Variants in PLPP3 observed in about 807,000 individuals in gnomAD.
PLPP3 encodes the protein phospholipid phosphatase 3.
A neutral mutation model predicts 29.6 loss-of-function variants in PLPP3; 6 were observed. The observed-to-expected ratio is 0.20, with a 90% CI of 0.11 to 0.40. The LOEUF (loss-of-function observed/expected upper bound fraction) is 0.40, where lower values mean the gene tolerates loss of function less well. Ranked by LOEUF, PLPP3 falls within the 10% of genes least tolerant of loss-of-function variation. The pLI is 1.00. For missense variants in PLPP3, 308 were observed against 407.7 expected, an observed-to-expected ratio of 0.76 and a Z score of 2.11; for synonymous variants, 152 against 159.7, an observed-to-expected ratio of 0.95 and a Z score of 0.36.
chr1:56,574,080 G>A (rs1328148661), intron 1 of PLPP3, among the ~76,000 whole-genome samples: 5 of 151,682 alleles, frequency 3.3e-5, no homozygotes, highest in African/African-American at 1.2e-4. Context: ...CGTGCCTGTA[G>A]TCCCAGCTAC....
intron 4 of PLPP3, among the ~76,000 whole-genome samples, chr1:56,517,651 C>G (rs1645790569): frequency 6.6e-6 from 1 of 152,226 alleles, no homozygotes; most frequent in African/African-American, 2.4e-5. Context: ...AGTCTGTGCT[C>G]TAAGCACAGA....
At chr1:56,537,153 GA>G (rs575809374) in intron 1 of PLPP3, 41 bp from the exon 2 acceptor site, 1 of 1,569,068 alleles carries the variant, frequency 6.4e-7, no homozygotes, top group Non-Finnish European at 8.7e-7. Context: ...GAAAAAAAAA[GA>G]AAAAAAGGAA....
At chr1:56,502,229 C>T (rs1645672562) in intron 5 of PLPP3, among the ~76,000 whole-genome samples, 1 of 152,130 alleles carries the variant, frequency 6.6e-6, no homozygotes. Flanking sequence ...TTAAATGTTC[C>T]TAGGGTCCCT....
intron 4 of PLPP3, chr1:56,512,664 T>A (rs1274346202): frequency 6.6e-6 from 1 of 152,362 alleles, no homozygotes; most frequent in Non-Finnish European, 1.5e-5. Flanking sequence ...ATGCTGAGTC[T>A]TAGTTCTCAC....
chr1:56,506,045 C>T (rs998711307), intron 5 of PLPP3, among the ~76,000 whole-genome samples: 9 of 152,114 alleles, frequency 5.9e-5, no homozygotes, highest in African/African-American at 2.2e-4. Flanking sequence ...CATTACTGGG[C>T]AAAGAGCTAG....
At chr1:56,503,121 CATT>C (rs1206446069) in intron 5 of PLPP3, among the ~76,000 whole-genome samples, 2 of 151,576 alleles carry the variant, frequency 1.3e-5, no homozygotes, top group Non-Finnish European at 2.9e-5. Context: ...CAACTGCAAT[CATT>C]ATTTTTTGAC....
intron 1 of PLPP3, among the ~76,000 whole-genome samples, chr1:56,548,294 T>C (rs1410704008): frequency 1.3e-5 from 2 of 152,228 alleles, no homozygotes; most frequent in Non-Finnish European, 2.9e-5. Context: ...GGATGTAATT[T>C]TGTAACTCAA....
intron 1 of PLPP3, among the ~76,000 whole-genome samples, chr1:56,566,237 A>C (rs1646161236): frequency 6.6e-6 from 1 of 152,188 alleles, no homozygotes. Flanking sequence ...GCCAATGCGA[A>C]AGCCAGCATG....
In PLPP3 at chr1:56,549,654, A is replaced by T. The variant is rs78422312; in HGVS notation, c.140-12542T>A. 6.6e-3 allele frequency among the ~76,000 whole-genome samples: 1,001 copies of T among 152,298 alleles called. 13 individuals are homozygous for T. Among genetic ancestry groups the T allele is most frequent in the East Asian group, 0.063 (327 of 5,178 alleles). On this transcript the variant is annotated intron_variant, in intron 1 of 5. Coordinates refer to ENST00000371250, the MANE Select transcript of PLPP3 (RefSeq NM_003713.5). ...GGGCTTCACTACCTACCTTTGTCCC[A>T]GCTGGGGTAACTGAGGAGCACTCAA...
At chr1:56,571,471 T>C (rs942563458) in intron 1 of PLPP3, among the ~76,000 whole-genome samples, 6 of 152,160 alleles carry the variant, frequency 3.9e-5, no homozygotes, top group Non-Finnish European at 8.8e-5. Context: ...CCTCTCTCCC[T>C]TCCCCAGCTC....
chr1:56,518,706 T>C (rs1403905964), intron 4 of PLPP3, among the ~76,000 whole-genome samples: 3 of 131,714 alleles, frequency 2.3e-5, no homozygotes, highest in African/African-American at 6.2e-5. Flanking sequence ...TACAGCCTTT[T>C]TTAATCATTT....
At chr1:56,546,552 T>C (rs896642052) in intron 1 of PLPP3, among the ~76,000 whole-genome samples, 2 of 152,194 alleles carry the variant, frequency 1.3e-5, no homozygotes, top group African/African-American at 4.8e-5. Context: ...AGACTGAGCC[T>C]CCTATCTATG....
intron 1 of PLPP3, among the ~76,000 whole-genome samples, chr1:56,571,755 T>C (rs1486994419): frequency 6.6e-6 from 1 of 151,586 alleles, no homozygotes; most frequent in Non-Finnish European, 1.5e-5. Context: ...AAAGACTGCT[T>C]TGATTGCATT....
intron 1 of PLPP3, among the ~76,000 whole-genome samples, chr1:56,567,393 C>CTTTTTTTT (rs1172831045): frequency 4.3e-5 from 5 of 116,960 alleles, no homozygotes; most frequent in Non-Finnish European, 5.2e-5. Flanking sequence ...TAAGGTATTT[C>CTTTTTTTT]TTTTTTTTTT....
At chr1:56,557,026 AAGAGAGAGAGAGAG>A (rs771132203) in intron 1 of PLPP3, among the ~76,000 whole-genome samples, 1 of 9,524 alleles carries the variant, frequency 1.0e-4, no homozygotes, top group Admixed American at 1.8e-3. Flanking sequence ...GAGAGAGAGA[AAGAGAGAGAGAGAG>A]AGAGAGAGAG....
chr1:56,503,407 G>A (rs914005513), intron 5 of PLPP3, among the ~76,000 whole-genome samples: 1 of 152,108 alleles, frequency 6.6e-6, no homozygotes, highest in East Asian at 1.9e-4. Flanking sequence ...AAAATCCACC[G>A]GCTGGCCGCG....
At chr1:56,553,756 T>C (rs575004026) in intron 1 of PLPP3, among the ~76,000 whole-genome samples, 1 of 152,316 alleles carries the variant, frequency 6.6e-6, no homozygotes, top group East Asian at 1.9e-4. Context: ...AACAGTAGCA[T>C]GTATACAGTT....
intron 1 of PLPP3, among the ~76,000 whole-genome samples, chr1:56,569,633 A>G (rs1453807608): frequency 6.6e-6 from 1 of 152,200 alleles, no homozygotes; most frequent in Non-Finnish European, 1.5e-5. Flanking sequence ...AAAAACAAAA[A>G]GAAAACTTCA....
chr1:56,566,419 T>C (rs1308959513), intron 1 of PLPP3, among the ~76,000 whole-genome samples: 1 of 152,186 alleles, frequency 6.6e-6, no homozygotes, highest in Non-Finnish European at 1.5e-5. Context: ...TTCTGTAAAA[T>C]GGAGACAATA....
Sources: gnomAD v4.1 joint callset for allele counts (sites outside exome capture counted in the v4.1 genomes callset) on GRCh38, gnomAD v4.1.1 for gene constraint, MANE v1.5 for transcripts, NCBI Gene and HGNC (gene_info 2026-07-23, HGNC 2026-07-21) for gene names.